Variants in GPR35 observed in about 807,000 individuals in gnomAD.
GPR35 encodes the protein G protein-coupled receptor 35.
For synonymous variants in GPR35, 207 were observed against 198.4 expected (o/e 1.04, Z -0.36); for missense variants, 372 against 422.5 (o/e 0.88, Z 1.05).
upstream of GPR35, among the ~76,000 whole-genome samples, chr2:240,620,547 C>T (rs1302627318): frequency 6.6e-6 from 1 of 152,084 alleles, no homozygotes; most frequent in Non-Finnish European, 1.5e-5. Flanking sequence ...CTGCCCCCAT[C>T]GTGGTCCTCT....
At chr2:240,613,773 ACT>A (rs2043210577) in intron 2 of GPR35, among the ~76,000 whole-genome samples, 1 of 151,588 alleles carries the variant, frequency 6.6e-6, no homozygotes. Context: ...CGAAACCCTA[ACT>A]CTAACCCTAA....
rs139268747 is a variant in GPR35, at chr2:240,617,015, G to A, written c.-452-75G>A. The stretch of plus-strand genomic sequence containing the variant: ...TGGAAGTGAATCTCATCTTAGCTGA[G>A]CCTTCTGATGAGACTGCAGCCCCAG... On this transcript the variant is annotated intron_variant, in intron 3 of 5. Transcript: ENST00000319838. 231 of 757,240 alleles carry A rather than the reference G, an allele frequency of 3.1e-4. 1 individual carries two copies. The African/African-American group carries it at 3.6e-3, about 12-fold the overall frequency. 46.9% of individuals were successfully genotyped at this position (757,240 alleles called of 1,614,324 possible).
At chr2:240,626,298 T>C (rs111452180) in intron 1 of GPR35, among the ~76,000 whole-genome samples, 274 of 1,690 alleles carry the variant, frequency 0.16, 2 homozygotes, top group Middle Eastern at 0.5. Context: ...GAGGCTGTGA[T>C]GGGGTCTCAG....
rs530038080 is a variant in GPR35 at position 240,631,285 on chromosome 2, G to C, written c.*403G>C. The C allele has an allele frequency of 4.3e-6, 1 of 232,436 alleles. No individual in the cohort carries two copies. Among genetic ancestry groups the C allele is most frequent in the African/African-American group, 2.3e-5 (1 of 43,796 alleles). 14.4% of individuals were successfully genotyped at this position (232,436 alleles called of 1,614,324 possible). On this transcript the variant is annotated 3_prime_UTR_variant, in exon 2 of 2. Coordinates refer to ENST00000407714, the MANE Select transcript of GPR35 (RefSeq NM_005301.5). ...GTGGGGCCCTCTGTGTTTCGCACTCGTGTGGTGGGAGGCAGGGAGGGAGCG... is the reference window on the plus strand; with the variant it reads ...GTGGGGCCCTCTGTGTTTCGCACTCCTGTGGTGGGAGGCAGGGAGGGAGCG...
Position 240,630,043 on chromosome 2 carries a change from C to A in GPR35, c.91C>A (p.Leu31Met). 1 of 1,612,720 alleles carries A rather than the reference C, an allele frequency of 6.2e-7. No homozygotes were observed. The highest frequency in any genetic ancestry group is 8.5e-7 in the Non-Finnish European group (1 of 1,179,936). ...CTTCTACGCCTACTTGGGCGTCCTG[C>A]TGGTGCTAGGCCTGCTGCTCAACAG... ...LGFYAYLGVL[L>M]VLGLLLNSLA... Residue 31 changes from leucine (L) to methionine (M), a missense_variant, in exon 2 of 2, where the codon CTG becomes ATG. By Grantham distance (15) the Leu-to-Met change is conservative. Coordinates refer to ENST00000407714, the MANE Select transcript of GPR35 (RefSeq NM_005301.5).
chr2:240,629,667 G>A (rs1185871049), intron 1 of GPR35: 5 of 367,496 alleles, frequency 1.4e-5, no homozygotes, highest in African/African-American at 2.0e-5. Context: ...GGAGGGGAAC[G>A]TGGAGCTCCT....
intron 2 of GPR35, among the ~76,000 whole-genome samples, chr2:240,608,823 G>A (rs769263405): frequency 2.0e-5 from 3 of 152,086 alleles, no homozygotes; most frequent in Non-Finnish European, 4.4e-5. Context: ...ATTCTTAAGT[G>A]TTTGATGGAA....
chr2:240,617,193 T>C, exon 4 of GPR35: 1 of 708,500 alleles, frequency 1.4e-6, no homozygotes. Flanking sequence ...GACCTGAAAC[T>C]CTACCAACAG....
At position 240,631,389 on chromosome 2, in the gene GPR35, A is replaced by C. The variant is rs1575471755; in HGVS notation, c.*507A>C. On this transcript the variant is annotated 3_prime_UTR_variant, in exon 2 of 2. Transcript: ENST00000407714. ...TTTGAGGTCCCCCTTGGACCCTTTCACCCCTTCCCACCCCCACCCACCTGG... is the reference window on the plus strand; with the variant it reads ...TTTGAGGTCCCCCTTGGACCCTTTCCCCCCTTCCCACCCCCACCCACCTGG... 6.3e-6 allele frequency: 1 copy of C among 159,900 alleles called. No individual in the cohort carries two copies. Among genetic ancestry groups the C allele is most frequent in the South Asian group, 1.9e-4 (1 of 5,170 alleles). The allele number at this position is 159,900 out of a possible 1,614,324, so 9.9% of individuals were successfully genotyped here.
chr2:240,616,574 G>T (rs1509), intron 3 of GPR35: 213,541 of 744,530 alleles, frequency 0.29, 33,823 homozygotes, highest in East Asian at 0.57. Flanking sequence ...CTGCCAGGGG[G>T]CTCATGATAT....
At chr2:240,611,293 T>C (rs1192148644) in intron 2 of GPR35, among the ~76,000 whole-genome samples, 1 of 152,152 alleles carries the variant, frequency 6.6e-6, no homozygotes, top group Non-Finnish European at 1.5e-5. Flanking sequence ...TTAACTGGAT[T>C]GTTTACCTCA....
chr2:240,617,544 A>G (rs2043252077), intron 4 of GPR35: 1 of 334,118 alleles, frequency 3.0e-6, no homozygotes, highest in African/African-American at 2.1e-5. Context: ...GCAGAAATGT[A>G]TCTATAAAAA....
rs1266634646 is a variant in GPR35, at chr2:240,630,110, C to T, written c.158C>T (p.Thr53Met). The change falls in exon 2 of 2, where the codon ACG (threonine) becomes ATG (methionine). Residue 53 changes from threonine (T) to methionine (M), a missense_variant. Coordinates refer to ENST00000407714, the MANE Select transcript of GPR35 (RefSeq NM_005301.5). ...WVFCCRMQQW[T>M]ETRIYMTNLA... ...TTCTGCTGCCGCATGCAGCAGTGGA[C>T]GGAGACCCGCATCTACATGACCAAC... 15 of 1,607,626 alleles carry T rather than the reference C, an allele frequency of 9.3e-6. No homozygotes were observed. Among genetic ancestry groups the T allele is most frequent in the African/African-American group, 1.3e-5 (1 of 74,932 alleles).
intron 2 of GPR35, among the ~76,000 whole-genome samples, chr2:240,608,564 T>C (rs944262137): frequency 6.6e-6 from 1 of 152,260 alleles, no homozygotes; most frequent in Non-Finnish European, 1.5e-5. Context: ...GATGTTCTAA[T>C]GCTAAAATAA....
At chr2:240,617,331 G>A (rs528831152) in exon 4 of GPR35, 29 of 695,162 alleles carry the variant, frequency 4.2e-5, no homozygotes, top group South Asian at 1.8e-4. Flanking sequence ...GGCAGAGCCC[G>A]AATTCCTGAC....
chr2:240,618,793 A>G lies in GPR35; in HGVS notation c.-148-95A>G. ...CCATCTAAAAACACATCAATTGTCT[A>G]TATGTACATAAACATGCTTTTTTTC... On this transcript the variant is annotated intron_variant, in intron 4 of 5. Transcript: ENST00000319838. 7.5e-6 allele frequency: 4 copies of G among 533,516 alleles called. No individual in the cohort carries two copies. The South Asian group carries it at 7.8e-5, about 10-fold the overall frequency. 33.0% of individuals were successfully genotyped at this position (533,516 alleles called of 1,614,324 possible). A position where few individuals can be genotyped will look rare whatever the true frequency, so the allele number is the denominator to read the frequency against.
At chr2:240,614,821 T>C (rs1317891307) in intron 2 of GPR35, among the ~76,000 whole-genome samples, 3 of 152,338 alleles carry the variant, frequency 2.0e-5, no homozygotes, top group Admixed American at 2.0e-4. Context: ...TATGTGCACA[T>C]GTGCATGTGT....
chr2:240,622,604 C>T (rs2043308200), upstream of GPR35, among the ~76,000 whole-genome samples: 1 of 152,242 alleles, frequency 6.6e-6, no homozygotes, highest in Non-Finnish European at 1.5e-5. Flanking sequence ...ACATTCAAAG[C>T]CCGCAGCCCG....
At chr2:240,621,825 G>T (rs969538577), upstream of GPR35, among the ~76,000 whole-genome samples, 26 of 152,224 alleles carry the variant, frequency 1.7e-4, no homozygotes, top group Non-Finnish European at 3.7e-4. Context: ...GGTCTCGTCT[G>T]TGTAAAGACT....
Sources: allele counts gnomAD v4.1 joint callset (sites outside exome capture counted in the v4.1 genomes callset), GRCh38; gene constraint gnomAD v4.1.1; transcripts MANE v1.5; gene names NCBI Gene and HGNC (gene_info 2026-07-23, HGNC 2026-07-21).